Variants in ATM observed in about 807,000 individuals in gnomAD.
ATM encodes ATM serine/threonine kinase.
ATM carries 308 observed loss-of-function variants against 387.0 expected under a neutral mutation model. That is an observed-to-expected ratio of 0.80 (90% CI 0.73 to 0.87). The LOEUF (loss-of-function observed/expected upper bound fraction) is 0.87, where lower values mean the gene tolerates loss of function less well. Among genes scored for constraint, ATM ranks in the 40% least tolerant of loss-of-function variants. The pLI, the probability that ATM is intolerant of heterozygous loss-of-function variation, is 0.00. For synonymous variants in ATM, 1,156 were observed against 1,187.3 expected (o/e 0.97, Z 0.54); for missense variants, 3,312 against 3,560.9 (o/e 0.93, Z 1.78).
At chr11:108,363,542 G>C (rs565512433) in intron 61 of ATM, among the ~76,000 whole-genome samples, 5 of 152,278 alleles carry the variant, frequency 3.3e-5, no homozygotes, top group African/African-American at 4.8e-5. Context: ...TCACAATTGG[G>C]GATGGGAGAT....
intron 14 of ATM, among the ~76,000 whole-genome samples, chr11:108,256,950 C>T (rs2080531560): frequency 6.6e-6 from 1 of 152,164 alleles, no homozygotes; most frequent in South Asian, 2.1e-4. Flanking sequence ...CAAGTTTTTG[C>T]TGTTGTGAAC....
chr11:108,308,948 C>T (rs1370221162), intron 38 of ATM: 6 of 1,424,296 alleles, frequency 4.2e-6, no homozygotes, highest in Non-Finnish European at 5.7e-6. Context: ...GGCAGTTTTA[C>T]CTTTGAGTCA....
chr11:108,332,063 T>G (rs768474765), intron 52 of ATM, 26 bp downstream of exon 52: 4 of 1,611,288 alleles, frequency 2.5e-6, no homozygotes, highest in Admixed American at 3.3e-5. Flanking sequence ...ATACGTACCT[T>G]TTAGAAGTGT....
chr11:108,233,862 A>G (rs1392630747), intron 4 of ATM, among the ~76,000 whole-genome samples: 1 of 136,028 alleles, frequency 7.4e-6, no homozygotes, highest in Non-Finnish European at 1.7e-5. Context: ...AACAAGCAAA[A>G]CTATGAAAAA....
At chr11:108,298,856 G>A (rs1222205872) in intron 33 of ATM, among the ~76,000 whole-genome samples, 1 of 152,186 alleles carries the variant, frequency 6.6e-6, no homozygotes, top group Admixed American at 6.5e-5. Flanking sequence ...CAGGGTACAA[G>A]ATCAACACAT....
intron 16 of ATM, among the ~76,000 whole-genome samples, chr11:108,266,477 G>C (rs1260268759): frequency 1.6e-5 from 2 of 128,202 alleles, no homozygotes; most frequent in Non-Finnish European, 3.1e-5. Flanking sequence ...ACACTCTGTG[G>C]ACTGTTGTGG....
intron 46 of ATM, among the ~76,000 whole-genome samples, 164 bp from the exon 47 acceptor site, chr11:108,325,894 G>A (rs932923759): frequency 1.3e-5 from 2 of 152,158 alleles, no homozygotes; most frequent in Middle Eastern, 3.2e-3. Context: ...ATAGGCAGAC[G>A]TGGGGTGGGG....
At chr11:108,353,946 T>C in intron 60 of ATM, 66 bp downstream of exon 60, 1 of 1,463,710 alleles carries the variant, frequency 6.8e-7, no homozygotes. Flanking sequence ...CTGGGCATGG[T>C]TCTTTGCACC....
At chr11:108,251,366 A>G (rs2080139701) in intron 10 of ATM, among the ~76,000 whole-genome samples, 1 of 152,208 alleles carries the variant, frequency 6.6e-6, no homozygotes, top group South Asian at 2.1e-4. Context: ...ATAATTTGAC[A>G]CACTCATATG....
chr11:108,263,386 C>G (rs2081029238), intron 16 of ATM, among the ~76,000 whole-genome samples: 2 of 143,536 alleles, frequency 1.4e-5, no homozygotes, highest in Admixed American at 1.4e-4. Flanking sequence ...TGAATGACTA[C>G]TGGGTACATA....
intron 15 of ATM, 141 bp downstream of exon 15, chr11:108,257,747 G>T: frequency 5.8e-6 from 5 of 865,260 alleles, no homozygotes; most frequent in African/African-American, 1.7e-5. Flanking sequence ...AGCCTCCCAA[G>T]TAATTGGGAC....
At chr11:108,286,997 A>G (rs1250460116) in intron 26 of ATM, among the ~76,000 whole-genome samples, 1 of 152,138 alleles carries the variant, frequency 6.6e-6, no homozygotes, top group Non-Finnish European at 1.5e-5. Context: ...TTGTGAAGCT[A>G]CCTGTCTATA....
intron 59 of ATM, among the ~76,000 whole-genome samples, chr11:108,348,568 A>G (rs975944301): frequency 6.6e-5 from 10 of 151,980 alleles, no homozygotes; most frequent in African/African-American, 2.4e-4. Context: ...TATATAAGAA[A>G]GAAGTGTGAA....
intron 33 of ATM, among the ~76,000 whole-genome samples, chr11:108,298,492 C>A (rs186874106): frequency 6.6e-6 from 1 of 152,224 alleles, no homozygotes; most frequent in East Asian, 1.9e-4. Flanking sequence ...TTTCTTTAAC[C>A]AACATACTTA....
At chr11:108,269,881 T>C (rs148773478) in intron 18 of ATM, among the ~76,000 whole-genome samples, 55 of 152,340 alleles carry the variant, frequency 3.6e-4, no homozygotes, top group African/African-American at 1.2e-3. Context: ...GTTTAGGTCC[T>C]CGCAGATACT....
In ATM at chr11:108,321,348, A is replaced by G. The variant is rs768155385; in HGVS notation, c.6500A>G (p.Tyr2167Cys). The G allele has an allele frequency of 1.9e-6, 3 of 1,614,092 alleles. No homozygotes were observed. Among genetic ancestry groups the G allele is most frequent in the African/African-American group, 1.3e-5 (1 of 74,936 alleles). ...TGTAAGCGCAGCCTTGAGTCTGTGTATTCGCTCTATCCCACACTTAGCAGG... is the reference window on the plus strand; with the variant it reads ...TGTAAGCGCAGCCTTGAGTCTGTGTGTTCGCTCTATCCCACACTTAGCAGG... ...EMCKRSLESV[Y>C]SLYPTLSRLQ... The change falls in exon 45 of 63, where the codon TAT (tyrosine) becomes TGT (cysteine). Residue 2167 changes from tyrosine to cysteine, a missense_variant. By Grantham distance (194) the Tyr-to-Cys change is radical (BLOSUM62 -2). Transcript: ENST00000675843.
intron 7 of ATM, among the ~76,000 whole-genome samples, chr11:108,245,907 C>T (rs1193065563): frequency 1.3e-5 from 2 of 151,134 alleles, no homozygotes; most frequent in African/African-American, 2.4e-5. Flanking sequence ...TCACTGCAAC[C>T]TCCGCCTCCT....
rs4987981 is a variant in ATM, at chr11:108,272,378, G to A, written c.3078-154G>A. ...CTAATTTCTTTTAGCTTGAATTTTTGGCAAGGTGAGTATGTTGGCATATTC... is the reference window on the plus strand; with the variant it reads ...CTAATTTCTTTTAGCTTGAATTTTTAGCAAGGTGAGTATGTTGGCATATTC... On this transcript the variant is annotated intron_variant, in intron 20 of 62. Transcript: ENST00000675843. 1.5e-3 allele frequency among the ~76,000 whole-genome samples: 223 copies of A among 152,208 alleles called. 4 individuals are homozygous for A. In the East Asian group the frequency reaches 0.037, roughly 26 times the overall value.
Position 108,289,844 on chromosome 11 carries a change from C to G in ATM, c.4436+43C>G, listed in dbSNP as rs1228083622. ...ACCAATATATAAGCAGTCTTTCTATCCTGTTCTTCCTGTTTTTTTGCTTTG... is the reference window on the plus strand; with the variant it reads ...ACCAATATATAAGCAGTCTTTCTATGCTGTTCTTCCTGTTTTTTTGCTTTG... On this transcript the variant is annotated intron_variant, in intron 29 of 62. Coordinates refer to ENST00000675843, the MANE Select transcript of ATM (RefSeq NM_000051.4). The G allele has an allele frequency of 2.6e-6, 4 of 1,550,286 alleles. No individual in the cohort carries two copies. The East Asian group carries it at 9.0e-5, about 35-fold the overall frequency.
Sources: allele counts gnomAD v4.1 joint callset (sites outside exome capture counted in the v4.1 genomes callset), GRCh38; gene constraint gnomAD v4.1.1; transcripts MANE v1.5; gene names NCBI Gene and HGNC (gene_info 2026-07-23, HGNC 2026-07-21).